Variants in STAB2 observed in about 807,000 individuals in gnomAD.
STAB2 encodes stabilin-2.
Under a neutral mutation model 338.1 loss-of-function variants are expected in STAB2, and 288 were observed. The observed-to-expected ratio is 0.85, with a 90% confidence interval of 0.77 to 0.94. The LOEUF is 0.94. Ranked by LOEUF, STAB2 falls within the 40% of genes least tolerant of loss-of-function variation. STAB2 has a pLI of 0.00. For missense variants in STAB2, 3,141 were observed against 3,210.1 expected, an observed-to-expected ratio of 0.98 and a Z score of 0.52; for synonymous variants, 1,202 against 1,193.3, an observed-to-expected ratio of 1.01 and a Z score of -0.15.
rs1881182441 is a variant in STAB2, at chr12:103,726,137, A to G, written c.4825A>G (p.Thr1609Ala). ...GCAGGAGCTTCCCAAGAACCCGAAA[A>G]CTTCCCAGTATTTCTTCCAGTTGCA... Reference protein sequence around the residue: ...IYQELPKNPKTSQYFFQLQEH... With the variant: ...IYQELPKNPKASQYFFQLQEH... The change falls in exon 46 of 69, where the codon ACT becomes GCT. Residue 1609 changes from threonine (T) to alanine (A), a missense_variant. Physicochemically the swap from Thr to Ala is moderately conservative, Grantham distance 58 (BLOSUM62 0). Transcript: ENST00000388887. The G allele has an allele frequency of 6.2e-7, 1 of 1,613,872 alleles. No homozygotes were observed. Among genetic ancestry groups the G allele is most frequent in the Non-Finnish European group, 8.5e-7 (1 of 1,179,872 alleles).
At chr12:103,592,435 G>A (rs1956813938) in intron 2 of STAB2, among the ~76,000 whole-genome samples, 1 of 152,004 alleles carries the variant, frequency 6.6e-6, no homozygotes, top group South Asian at 2.1e-4. Context: ...TAAAACTTTT[G>A]CATTCAGAAA....
chr12:103,765,416 C>T (rs986722727), intron 68 of STAB2, among the ~76,000 whole-genome samples: 1 of 152,290 alleles, frequency 6.6e-6, no homozygotes, highest in African/African-American at 2.4e-5. Flanking sequence ...CATTCTCACG[C>T]CTTTGACACT....
At chr12:103,712,307 G>A (rs897389544) in intron 40 of STAB2, 60 bp from the exon 41 acceptor site, 1 of 1,298,828 alleles carries the variant, frequency 7.7e-7, no homozygotes, top group Non-Finnish European at 1.1e-6. Flanking sequence ...GCATTTGTGA[G>A]TCATGTGGTG....
intron 56 of STAB2, among the ~76,000 whole-genome samples, chr12:103,744,920 T>C (rs1882897298): frequency 6.6e-6 from 1 of 152,214 alleles, no homozygotes; most frequent in Non-Finnish European, 1.5e-5. Flanking sequence ...CTGGGCACTC[T>C]GAGACTGTAA....
intron 27 of STAB2, among the ~76,000 whole-genome samples, chr12:103,685,422 C>CTGTG (rs141365936): frequency 0.089 from 12,995 of 145,804 alleles, 603 homozygotes; most frequent in Non-Finnish European, 0.11. Flanking sequence ...CTTACCCATG[C>CTGTG]TGTGTGTGTG....
chr12:103,587,403 T>C lies in STAB2; in HGVS notation c.-74T>C. On this transcript the variant is annotated 5_prime_UTR_variant, in exon 1 of 69. Transcript: ENST00000388887. ...GAAATGAGAAAGAATTCACTGGGAG[T>C]TTATCAAACTAAGTTAAAATAGCTA... is the stretch of plus-strand genomic sequence containing the variant. 8.4e-7 allele frequency: 1 copy of C among 1,195,462 alleles called. No homozygotes were observed. Among genetic ancestry groups the C allele is most frequent in the Non-Finnish European group, 1.2e-6 (1 of 824,926 alleles). The allele number at this position is 1,195,462 out of a possible 1,614,324, so 74.1% of individuals were successfully genotyped here.
rs758176796 is a variant in STAB2, at chr12:103,759,263, C to T, written c.7238C>T (p.Pro2413Leu). Reference protein sequence around the residue: ...SKLLITASQDPLQPTETRFVD... With the variant: ...SKLLITASQDLLQPTETRFVD... ...CTGCTCATCACTGCCAGCCAGGACC[C>T]ACTCCAACCGGTACAAAGTCTTCTG... Residue 2413 changes from proline to leucine, a missense_variant, in exon 65 of 69, where the codon CCA becomes CTA. By Grantham distance (98) the Pro-to-Leu change is moderately conservative. Transcript: ENST00000388887. 2.5e-6 allele frequency: 4 copies of T among 1,614,068 alleles called. No homozygotes were observed. The highest frequency in any genetic ancestry group is 3.4e-6 in the Non-Finnish European group (4 of 1,180,006).
chr12:103,663,015 A>G lies in STAB2; in HGVS notation c.2022+17A>G. ...ATGAAACTGGTAAGAAAACTAGGAAAATAAGTAAGGGCCCCAAACAGCCCC... is the reference window on the plus strand; with the variant it reads ...ATGAAACTGGTAAGAAAACTAGGAAGATAAGTAAGGGCCCCAAACAGCCCC... On this transcript the variant is annotated intron_variant, in intron 18 of 68. Transcript: ENST00000388887. 1.9e-6 allele frequency: 3 copies of G among 1,613,732 alleles called. No individual in the cohort carries two copies. The highest frequency in any genetic ancestry group is 8.5e-7 in the Non-Finnish European group (1 of 1,179,768).
chr12:103,590,954 G>T lies in STAB2; in HGVS notation c.139G>T (p.Ala47Ser). 1 of 1,613,996 alleles carries T rather than the reference G, an allele frequency of 6.2e-7. No homozygotes were observed. The highest frequency in any genetic ancestry group is 8.5e-7 in the Non-Finnish European group (1 of 1,179,972). Residue 47 changes from alanine to serine, a missense_variant, in exon 2 of 69, where the codon GCT (alanine) becomes TCT (serine). By Grantham distance (99) the Ala-to-Ser change is moderately conservative (BLOSUM62 1). Coordinates refer to ENST00000388887, the MANE Select transcript of STAB2 (RefSeq NM_017564.10). ...LTIRTECRSC[A>S]LNLGVKCPDG... ...AATTAGGACCGAGTGCCGATCCTGC[G>T]CTCTCAACCTTGGAGTCAAGTGCCC...
At chr12:103,734,063 TATGGGAGCAAGCATGATCAC>T (rs1566058201) in intron 51 of STAB2, among the ~76,000 whole-genome samples, 1 of 142,084 alleles carries the variant, frequency 7.0e-6, no homozygotes, top group Non-Finnish European at 1.5e-5. Context: ...AGCACGATCA[TATGGGAGCAAGCATGATCAC>T]ATGGGAGCAT....
Position 103,669,646 on chromosome 12 carries a change from C to T in STAB2, c.2259+19C>T, listed in dbSNP as rs1875545471. 3 of 1,603,142 alleles carry T rather than the reference C, an allele frequency of 1.9e-6. No homozygotes were observed. The highest frequency in any genetic ancestry group is 2.6e-6 in the Non-Finnish European group (3 of 1,170,554). ...TGGACAGGTGAATACTGAAGACTGG[C>T]CTTCCATAAGTCAAATCAAACAATA... On this transcript the variant is annotated intron_variant, in intron 21 of 68. Transcript: ENST00000388887.
intron 36 of STAB2, chr12:103,704,864 C>T (rs1879205888): frequency 5.6e-6 from 2 of 354,910 alleles, no homozygotes; most frequent in South Asian, 8.4e-5. Context: ...TTATGCTCTA[C>T]GTCTTTCATA....
intron 47 of STAB2, among the ~76,000 whole-genome samples, chr12:103,727,815 G>T (rs377663379): frequency 6.8e-4 from 103 of 152,200 alleles, no homozygotes; most frequent in African/African-American, 2.4e-3. Context: ...ACACTGTTCT[G>T]AGTACCCGGC....
At position 103,689,869 on chromosome 12, in the gene STAB2, G is replaced by C. The variant is rs202087313; in HGVS notation, c.3069G>C (p.Leu1023=). ...AGAATGCTTCTCTACAACCCACACTGTCAGCCACCTCAAACCTCACTGTCC... is the reference window on the plus strand; with the variant it reads ...AGAATGCTTCTCTACAACCCACACTCTCAGCCACCTCAAACCTCACTGTCC... ...WINNASLQPT[L]SATSNLTVLV... Residue 1023 remains leucine, a synonymous_variant, in exon 29 of 69, where the codon CTG becomes CTC. Transcript: ENST00000388887. 470 of 1,613,892 alleles carry C rather than the reference G, an allele frequency of 2.9e-4. 1 individual carries two copies. Among genetic ancestry groups the C allele is most frequent in the Middle Eastern group, 1.6e-4 (1 of 6,082 alleles).
At chr12:103,685,885 A>G (rs999657115) in intron 27 of STAB2, among the ~76,000 whole-genome samples, 7 of 152,238 alleles carry the variant, frequency 4.6e-5, no homozygotes, top group African/African-American at 1.4e-4. Flanking sequence ...AAATACATTT[A>G]TATTCTTTAT....
At chr12:103,669,317 G>A (rs772987549) in intron 20 of STAB2, 11 of 486,110 alleles carry the variant, frequency 2.3e-5, no homozygotes, top group East Asian at 6.6e-5. Context: ...CTGTCTGTTC[G>A]CACAGTGTTA....
At chr12:103,662,109 G>A (rs1433952033) in intron 17 of STAB2, among the ~76,000 whole-genome samples, 1 of 152,160 alleles carries the variant, frequency 6.6e-6, no homozygotes, top group Non-Finnish European at 1.5e-5. Context: ...GGTGAGGAAT[G>A]GCTGAATTTT....
intron 35 of STAB2, among the ~76,000 whole-genome samples, chr12:103,703,549 G>T (rs73189889): frequency 1.8e-4 from 27 of 152,218 alleles, no homozygotes; most frequent in Non-Finnish European, 2.6e-4. Flanking sequence ...GGGATGGTGG[G>T]GGGGAGTGGT....
intron 34 of STAB2, among the ~76,000 whole-genome samples, chr12:103,699,921 G>A (rs1421968360): frequency 2.6e-5 from 4 of 152,230 alleles, no homozygotes; most frequent in Admixed American, 2.6e-4. Flanking sequence ...TAGGATGGGA[G>A]GGAACCTGGG....
Sources: gnomAD v4.1 joint callset for allele counts (sites outside exome capture counted in the v4.1 genomes callset) on GRCh38, gnomAD v4.1.1 for gene constraint, MANE v1.5 for transcripts, NCBI Gene and HGNC (gene_info 2026-07-23, HGNC 2026-07-21) for gene names.